The following PGM3 variants were observed in gnomAD, a reference collection of about 807,000 sequenced individuals.
The protein encoded by PGM3 is phosphoacetylglucosamine mutase.
PGM3 carries 40 observed loss-of-function variants against 66.2 expected under a neutral mutation model. That is an observed-to-expected ratio of 0.60 (90% CI 0.47 to 0.79). The LOEUF is 0.79. PGM3 is among the 30% of genes least tolerant of loss of function. The pLI is 0.00. For missense variants in PGM3, 537 were observed against 643.4 expected, an observed-to-expected ratio of 0.83 and a Z score of 1.79; for synonymous variants, 191 against 224.2, an observed-to-expected ratio of 0.85 and a Z score of 1.32.
rs1268631842 is a variant in PGM3 at position 83,168,915 on chromosome 6, A to AT, written c.*318dup. On this transcript the variant is annotated 3_prime_UTR_variant, in exon 13 of 13. Coordinates refer to ENST00000513973, the MANE Select transcript of PGM3 (RefSeq NM_015599.3). ...GCAAAGATATCACAAGGAGTTGGTAATAAGATTTAATTTTCCAGTAGCCTG... is the reference window on the plus strand; with the variant it reads ...GCAAAGATATCACAAGGAGTTGGTAATTAAGATTTAATTTTCCAGTAGCCTG... The AT allele has an allele frequency of 6.2e-5, 67 of 1,084,360 alleles. No individual in the cohort carries two copies. The highest frequency in any genetic ancestry group is 7.3e-5 in the Non-Finnish European group (65 of 890,176). 67.2% of individuals were successfully genotyped at this position (1,084,360 alleles called of 1,614,324 possible). A position where few individuals can be genotyped will look rare whatever the true frequency, so the allele number is the denominator to read the frequency against.
chr6:83,158,764 T>C (rs1783454412), downstream of PGM3: 12 of 665,768 alleles, frequency 1.8e-5, no homozygotes, highest in Non-Finnish European at 3.0e-5. Context: ...GGATATAATG[T>C]AGTTTTACTT....
downstream of PGM3, among the ~76,000 whole-genome samples, chr6:83,162,177 T>G (rs936703510): frequency 6.6e-6 from 1 of 152,296 alleles, no homozygotes; most frequent in Non-Finnish European, 1.5e-5. Context: ...ATGAATCCTA[T>G]GCGGGGAGGG....
Position 83,188,812 on chromosome 6 carries a change from C to A in PGM3, c.205-14G>T, listed in dbSNP as rs1196885851. The A allele has an allele frequency of 3.1e-6, 5 of 1,611,496 alleles. No individual in the cohort carries two copies. The highest frequency in any genetic ancestry group is 4.2e-6 in the Non-Finnish European group (5 of 1,178,076). Reference sequence around the variant, plus strand: ...ACCATTGTCTTCCTTAAAAGAAAAACAAACAATAAGCAATCTGTGCATACT... The same window carrying A: ...ACCATTGTCTTCCTTAAAAGAAAAAAAAACAATAAGCAATCTGTGCATACT... On this transcript the variant is annotated splice_polypyrimidine_tract_variant and intron_variant, in intron 2 of 12. Transcript: ENST00000513973.
At chr6:83,152,122 T>C in the PGM3 span, 10 of 1,421,442 alleles carry the variant, frequency 7.0e-6, no homozygotes, top group East Asian at 2.3e-4. Context: ...CACAAATTTA[T>C]CCCTTTTCTC....
At chr6:83,172,675 A>G (rs972039798) in intron 10 of PGM3, among the ~76,000 whole-genome samples, 19 of 151,826 alleles carry the variant, frequency 1.3e-4, no homozygotes, top group African/African-American at 4.4e-4. Flanking sequence ...AAACAACAAC[A>G]ACAACAAAAA....
rs1342149809 is a variant in PGM3 at position 83,166,037 on chromosome 6, G to A, written c.*3197C>T. On this transcript the variant is annotated 3_prime_UTR_variant, in exon 13 of 13. Transcript: ENST00000513973. ...CAGTCCAGCCACTGAGCTGGTCATCGCCAGTTGTCGTATAAAATCCACCTT... is the reference window on the plus strand; with the variant it reads ...CAGTCCAGCCACTGAGCTGGTCATCACCAGTTGTCGTATAAAATCCACCTT... 8 of 273,950 alleles carry A rather than the reference G, an allele frequency of 2.9e-5. No homozygotes were observed. The highest frequency in any genetic ancestry group is 8.0e-5 in the East Asian group (1 of 12,446). The allele number at this position is 273,950 out of a possible 1,614,324, so 17.0% of individuals were successfully genotyped here. A position where few individuals can be genotyped will look rare whatever the true frequency, so the allele number is the denominator to read the frequency against.
intron 1 of PGM3, chr6:83,191,253 C>T: frequency 6.5e-7 from 1 of 1,534,906 alleles, no homozygotes; most frequent in Non-Finnish European, 8.7e-7. Flanking sequence ...GCAGATTGTC[C>T]CCACTCTCCT....
chr6:83,183,375 A>C (rs1788337520), intron 4 of PGM3, among the ~76,000 whole-genome samples: 1 of 152,232 alleles, frequency 6.6e-6, no homozygotes, highest in Non-Finnish European at 1.5e-5. Context: ...ACCCGAAGGC[A>C]AGAACTCCAA....
Position 83,166,724 on chromosome 6 carries a change from T to G in PGM3, c.*2510A>C. 1 of 1,198,130 alleles carries G rather than the reference T, an allele frequency of 8.3e-7. No individual in the cohort carries two copies. The highest frequency in any genetic ancestry group is 1.0e-6 in the Non-Finnish European group (1 of 966,216). The allele number at this position is 1,198,130 out of a possible 1,614,324, so 74.2% of individuals were successfully genotyped here. A position where few individuals can be genotyped will look rare whatever the true frequency, so the allele number is the denominator to read the frequency against. ...CAGGATTTTACTTTAAAATAAGCAA[T>G]AAGCTTGAGAGCACATAGAAGAAAA... On this transcript the variant is annotated 3_prime_UTR_variant, in exon 13 of 13. Transcript: ENST00000513973.
downstream of PGM3, chr6:83,162,977 G>A (rs1433517707): frequency 1.3e-6 from 2 of 1,526,870 alleles, no homozygotes; most frequent in African/African-American, 1.4e-5. Flanking sequence ...CATTAGTGAG[G>A]TATTTATTAA....
In PGM3 at chr6:83,167,149, G is replaced by C; in HGVS notation, c.*2085C>G. 1 of 916,382 alleles carries C rather than the reference G, an allele frequency of 1.1e-6. No individual in the cohort carries two copies. Among genetic ancestry groups the C allele is most frequent in the Non-Finnish European group, 1.3e-6 (1 of 766,996 alleles). 56.8% of individuals were successfully genotyped at this position (916,382 alleles called of 1,614,324 possible). ...TCTCATTTGACTTCTCTACTAAAAG[G>C]TAGTTTTAGACTGTCCCATTTTATA... On this transcript the variant is annotated 3_prime_UTR_variant, in exon 13 of 13. Coordinates refer to ENST00000513973, the MANE Select transcript of PGM3 (RefSeq NM_015599.3).
chr6:83,172,054 A>T lies in PGM3; in HGVS notation c.1248T>A (p.Ala416=), dbSNP rs777916374. Residue 416 remains alanine, a synonymous_variant, in exon 11 of 13, where the codon GCT becomes GCA. Transcript: ENST00000513973. ...ENIIDLFNQA[A]GDAISDMLVI... Reference sequence around the variant, plus strand: ...CCAGCATGTCAGAAATAGCATCACCAGCTGCCTGCAAATGGGGAAACAAAT... The same window carrying T: ...CCAGCATGTCAGAAATAGCATCACCTGCTGCCTGCAAATGGGGAAACAAAT... 5.0e-6 allele frequency: 8 copies of T among 1,613,612 alleles called. No homozygotes were observed. Among genetic ancestry groups the T allele is most frequent in the Non-Finnish European group, 6.8e-6 (8 of 1,179,882 alleles).
At chr6:83,153,706 T>G in the PGM3 span, 1 of 1,231,666 alleles carries the variant, frequency 8.1e-7, no homozygotes, top group Non-Finnish European at 1.1e-6. Flanking sequence ...TTTCTAGAAT[T>G]ATCATAAAAT....
At chr6:83,151,871 T>G in the PGM3 span, 1 of 1,612,744 alleles carries the variant, frequency 6.2e-7, no homozygotes, top group Non-Finnish European at 8.5e-7. Context: ...TTGTTCTTCC[T>G]TATTTTTTTA....
At chr6:83,176,889 A>ACTGTGAAATAACCCAATCC (rs1787811483) in intron 8 of PGM3, among the ~76,000 whole-genome samples, 1 of 152,242 alleles carries the variant, frequency 6.6e-6, no homozygotes, top group African/African-American at 2.4e-5. Flanking sequence ...TAACCCAAGT[A>ACTGTGAAATAACCCAATCC]CTGTGAAATA....
At chr6:83,172,645 C>T (rs1475481455) in intron 10 of PGM3, among the ~76,000 whole-genome samples, 1 of 152,010 alleles carries the variant, frequency 6.6e-6, no homozygotes, top group Admixed American at 6.5e-5. Context: ...GGCAACAGAG[C>T]GAGACTCCAT....
At position 83,168,406 on chromosome 6, in the gene PGM3, T is replaced by G. The variant is rs559420973; in HGVS notation, c.*828A>C. On this transcript the variant is annotated 3_prime_UTR_variant, in exon 13 of 13. Coordinates refer to ENST00000513973, the MANE Select transcript of PGM3 (RefSeq NM_015599.3). Reference sequence around the variant, plus strand: ...GAGCTATATATATACACATGTAAAGTCCATTGTTTTTATTGTCCTGAGTTG... The same window carrying G: ...GAGCTATATATATACACATGTAAAGGCCATTGTTTTTATTGTCCTGAGTTG... 81 of 1,224,006 alleles carry G rather than the reference T, an allele frequency of 6.6e-5. No homozygotes were observed. The highest frequency in any genetic ancestry group is 7.8e-5 in the Non-Finnish European group (77 of 981,122). The allele number at this position is 1,224,006 out of a possible 1,614,324, so 75.8% of individuals were successfully genotyped here.
Position 83,168,943 on chromosome 6 carries a change from T to C in PGM3, c.*291A>G. The C allele has an allele frequency of 8.8e-7, 1 of 1,132,080 alleles. No individual in the cohort carries two copies. The highest frequency in any genetic ancestry group is 1.1e-6 in the Non-Finnish European group (1 of 919,970). 70.1% of individuals were successfully genotyped at this position (1,132,080 alleles called of 1,614,324 possible). On this transcript the variant is annotated 3_prime_UTR_variant, in exon 13 of 13. Coordinates refer to ENST00000513973, the MANE Select transcript of PGM3 (RefSeq NM_015599.3). ...AGATTTAATTTTCCAGTAGCCTGCA[T>C]GAATTGTTCCCCACATAAAACTGTA...
chr6:83,183,389 C>G (rs1283303026), intron 4 of PGM3, among the ~76,000 whole-genome samples: 1 of 152,210 alleles, frequency 6.6e-6, no homozygotes, highest in African/African-American at 2.4e-5. Context: ...ACTCCAAGAT[C>G]TAAGCTAGTT....
Sources: gnomAD v4.1 joint callset for allele counts (sites outside exome capture counted in the v4.1 genomes callset) on GRCh38, gnomAD v4.1.1 for gene constraint, MANE v1.5 for transcripts, NCBI Gene and HGNC (gene_info 2026-07-23, HGNC 2026-07-21) for gene names.